Variants in LPA observed in about 807,000 individuals in gnomAD.
The protein encoded by LPA is lipoprotein(a), also known as apolipoprotein(a).
LPA carries 199 observed loss-of-function variants against 197.9 expected under a neutral mutation model. That is an observed-to-expected ratio of 1.01 (90% CI 0.90 to 1.13). The LOEUF is 1.13. LPA is among the 50% of genes most tolerant of loss of function. LPA has a pLI of 0.00. For synonymous variants in LPA, 715 were observed against 639.5 expected, an observed-to-expected ratio of 1.12 and a Z score of -1.78; for missense variants, 1,853 against 1,785.8, an observed-to-expected ratio of 1.04 and a Z score of -0.68.
At chr6:160,543,102 G>A (rs1778012141) in intron 33 of LPA, among the ~76,000 whole-genome samples, 1 of 152,188 alleles carries the variant, frequency 6.6e-6, no homozygotes, top group Admixed American at 6.5e-5. Context: ...ATGTGCATGT[G>A]TGTATGTGAT....
At chr6:160,566,198 T>G (rs1343874109) in intron 28 of LPA, among the ~76,000 whole-genome samples, 10 of 152,188 alleles carry the variant, frequency 6.6e-5, no homozygotes, top group Middle Eastern at 3.4e-3. Context: ...AAAATACTCC[T>G]CGAGAAGAGT....
intron 1 of LPA, 69 bp from the exon 2 acceptor site, chr6:160,650,566 G>A: frequency 6.8e-7 from 1 of 1,474,012 alleles, no homozygotes; most frequent in South Asian, 1.1e-5. Flanking sequence ...AGTCATTTAT[G>A]ACACAAACAG....
chr6:160,580,122 G>A (rs1201232360), intron 26 of LPA, among the ~76,000 whole-genome samples: 1 of 152,104 alleles, frequency 6.6e-6, no homozygotes, highest in Non-Finnish European at 1.5e-5. Context: ...CACATGAATG[G>A]ACTCATACAG....
At chr6:160,607,266 G>A (rs1779376026) in intron 16 of LPA, among the ~76,000 whole-genome samples, 1 of 152,034 alleles carries the variant, frequency 6.6e-6, no homozygotes, top group African/African-American at 2.4e-5. Flanking sequence ...CATATCATGT[G>A]GGTCAAATAG....
intron 16 of LPA, among the ~76,000 whole-genome samples, chr6:160,607,446 A>T (rs992259648): frequency 6.6e-6 from 1 of 152,158 alleles, no homozygotes; most frequent in Non-Finnish European, 1.5e-5. Context: ...TTGAAAGAAC[A>T]GTGGGACCCA....
intron 29 of LPA, 23 bp downstream of exon 29, chr6:160,557,367 A>C: frequency 6.2e-7 from 1 of 1,613,460 alleles, no homozygotes; most frequent in East Asian, 2.2e-5. Flanking sequence ...AAATGTGTAG[A>C]TATCTGGCCA....
chr6:160,652,850 G>T (rs1363455122), intron 1 of LPA, among the ~76,000 whole-genome samples: 1 of 152,030 alleles, frequency 6.6e-6, no homozygotes, highest in East Asian at 1.9e-4. Flanking sequence ...AAGGTGGAAT[G>T]TGAAAAAATC....
chr6:160,568,674 T>G (rs571070051), intron 28 of LPA, among the ~76,000 whole-genome samples: 1 of 152,256 alleles, frequency 6.6e-6, no homozygotes. Flanking sequence ...GGGTATTCAG[T>G]TAGGAAAAGA....
chr6:160,661,104 C>A (rs2115113720), intron 1 of LPA, among the ~76,000 whole-genome samples: 1 of 152,254 alleles, frequency 6.6e-6, no homozygotes, highest in Admixed American at 6.5e-5. Flanking sequence ...CCTGGCTGAG[C>A]TTCAGCAGCC....
intron 28 of LPA, among the ~76,000 whole-genome samples, chr6:160,568,273 CA>C (rs551786444): frequency 5.6e-4 from 85 of 152,290 alleles, no homozygotes; most frequent in Middle Eastern, 6.8e-3. Context: ...AGCAGCACAT[CA>C]AAAAGCTTAT....
intron 14 of LPA, among the ~76,000 whole-genome samples, chr6:160,615,384 G>GTGTGTGTGTGTGTT (rs1582888062): frequency 6.3e-5 from 8 of 127,030 alleles, no homozygotes; most frequent in African/African-American, 2.5e-4. Flanking sequence ...GTGTGTGTGT[G>GTGTGTGTGTGTGTT]TAGCTCATTC....
rs189795087 is a variant in LPA, at chr6:160,549,379, G to A, written c.4974-720C>T. 3.7e-3 allele frequency among the ~76,000 whole-genome samples: 561 copies of A among 152,228 alleles called. 1 individual carries two copies. The highest frequency in any genetic ancestry group is 6.1e-3 in the Non-Finnish European group (417 of 68,010). ...CCAAGCACATACCCCTAGAGGAACC[G>A]GTATACGGATTTTGATGTGTGTCTT... On this transcript the variant is annotated intron_variant, in intron 30 of 38. Transcript: ENST00000316300.
intron 17 of LPA, among the ~76,000 whole-genome samples, chr6:160,605,948 G>C (rs2115060329): frequency 6.6e-6 from 1 of 152,248 alleles, no homozygotes; most frequent in South Asian, 2.1e-4. Flanking sequence ...GCCCACCTAT[G>C]ACTGAGGAAG....
intron 22 of LPA, 53 bp downstream of exon 22, chr6:160,593,905 A>C: frequency 1.4e-5 from 22 of 1,600,678 alleles, no homozygotes; most frequent in Admixed American, 1.7e-5. Context: ...GGCCCTTCCA[A>C]GAGAAATGTA....
chr6:160,586,508 G>C lies in LPA; in HGVS notation c.4070C>G (p.Thr1357Ser). ...NLTQCPVMES[T>S]LLTTPTVVPV... ...GACCACCGTGGGAGTTGTGAGGAGA[G>C]TTGATTCCATCACTGGACATTGCGT... The change falls in exon 25 of 39, where the codon ACT becomes AGT. Residue 1357 changes from threonine to serine, a missense_variant. Thr to Ser is a moderately conservative substitution (Grantham distance 58, BLOSUM62 1). This residue lies in a region of LPA where 1,737 missense variants were observed against 1,504.4 expected (regional missense o/e 1.15). Transcript: ENST00000316300. 6.2e-7 allele frequency: 1 copy of C among 1,613,806 alleles called. No individual in the cohort carries two copies. The highest frequency in any genetic ancestry group is 1.3e-5 in the African/African-American group (1 of 75,016).
intron 16 of LPA, among the ~76,000 whole-genome samples, chr6:160,610,327 G>C (rs1222085959): frequency 2.0e-5 from 3 of 152,228 alleles, no homozygotes; most frequent in Admixed American, 2.0e-4. Flanking sequence ...TTGCTTTTCA[G>C]CTGTGCAAGG....
rs758300066 is a variant in LPA at position 160,594,098 on chromosome 6, G to C, written c.3489C>G (p.Pro1163=). 1.4e-5 allele frequency: 22 copies of C among 1,613,726 alleles called. No individual in the cohort carries two copies. Among genetic ancestry groups the C allele is most frequent in the Non-Finnish European group, 1.7e-6 (2 of 1,179,832 alleles). The change falls in exon 22 of 39, where the codon CCC becomes CCG. Residue 1163 remains proline (P), a synonymous_variant. Transcript: ENST00000316300. The part of the protein sequence containing the change: ...SSEEAPTEQS[P]GVQDCYHGDG... ...CACCATGGTAGCAATCCTGGACCCC[G>C]GGGCTTTGCTCCGTTGGTGCTGAAA...
chr6:160,531,822 C>T lies in LPA; in HGVS notation c.6030G>A (p.Trp2010Ter), dbSNP rs1417800617. The change falls in exon 39 of 39, where the codon TGG becomes TGA. Residue 2010 changes from tryptophan (W) to a stop codon, truncating the protein, a stop_gained. Transcript: ENST00000316300. LOFTEE classifies it high-confidence loss of function. ...TATTGGGGCGTGCACAGCCAAGACC[C>T]CAAGAAGTGACTCCTTGTAAAATGT... ...DKYILQGVTS[W>*]GLGCARPNKP... 1 of 1,614,094 alleles carries T rather than the reference C, an allele frequency of 6.2e-7. No individual in the cohort carries two copies. The highest frequency in any genetic ancestry group is 8.5e-7 in the Non-Finnish European group (1 of 1,180,016).
rs778238599 is a variant in LPA, at chr6:160,537,860, G to T, written c.5837C>A (p.Thr1946Asn). The change falls in exon 37 of 39, where the codon ACC (threonine) becomes AAC (asparagine). Residue 1946 changes from threonine (T) to asparagine (N), a missense_variant. Thr to Asn is a moderately conservative substitution (Grantham distance 65, BLOSUM62 0). This residue lies in a region of LPA where 1,737 missense variants were observed against 1,504.4 expected (regional missense o/e 1.15). Coordinates refer to ENST00000316300, the MANE Select transcript of LPA (RefSeq NM_005577.4). ...TECYITGWGETQGTFGTGLLK... is the reference protein window; with the variant it reads ...TECYITGWGENQGTFGTGLLK... The stretch of plus-strand genomic sequence containing the variant: ...GGCAATGGAATTGATCTCACCTTGG[G>T]TTTCTCCCCAGCCAGTGATGTAACA... 6.2e-7 allele frequency: 1 copy of T among 1,614,060 alleles called. No individual in the cohort carries two copies. The highest frequency in any genetic ancestry group is 1.7e-5 in the Admixed American group (1 of 60,020).
Sources: gnomAD v4.1 joint callset for allele counts (sites outside exome capture counted in the v4.1 genomes callset) on GRCh38, gnomAD v4.1.1 for gene constraint, gnomAD v4.1.1 regional missense constraint, MANE v1.5 for transcripts, NCBI Gene and HGNC (gene_info 2026-07-23, HGNC 2026-07-21) for gene names.